EYS: variants seen among roughly 807,000 people sequenced by gnomAD.
The protein encoded by EYS is protein eyes shut homolog.
In EYS, 250 loss-of-function variants were observed where a neutral mutation model predicts 282.1. The ratio of observed to expected loss-of-function variants is 0.89; its 90% confidence interval spans 0.80 to 0.98. The LOEUF is 0.98. Among genes scored for constraint, EYS ranks in the 50% least tolerant of loss-of-function variants. The probability of loss-of-function intolerance (pLI) is 0.00; values close to 1 mark genes in which losing one functional copy is unlikely to be tolerated. For missense variants in EYS, 4,016 were observed against 3,709.0 expected (o/e 1.08, Z -2.15); for synonymous variants, 1,355 against 1,282.9 (o/e 1.06, Z -1.20).
intron 14 of EYS, among the ~76,000 whole-genome samples, chr6:64,970,980 T>G (rs937105977): frequency 6.6e-6 from 1 of 152,186 alleles, no homozygotes; most frequent in African/African-American, 2.4e-5. Flanking sequence ...ATATTTAAAA[T>G]GCAGCTTTTA....
chr6:65,168,982 C>T (rs1159257740), intron 12 of EYS, among the ~76,000 whole-genome samples: 2 of 151,232 alleles, frequency 1.3e-5, no homozygotes, highest in African/African-American at 2.4e-5. Flanking sequence ...TGTTTTAAGA[C>T]ATATCAAAAC....
chr6:63,862,155 A>G (rs1323149165), intron 36 of EYS, among the ~76,000 whole-genome samples: 1 of 152,148 alleles, frequency 6.6e-6, no homozygotes, highest in African/African-American at 2.4e-5. Context: ...GTGACCTGTT[A>G]AAATGCCCTC....
At position 65,640,549 on chromosome 6, in the gene EYS, C is replaced by A. The variant is rs1767242165; in HGVS notation, c.-447-657G>T. Among the ~76,000 whole-genome samples, 3 of 152,082 alleles carry A rather than the reference C, an allele frequency of 2.0e-5. No individual in the cohort carries two copies. In the South Asian group the frequency reaches 6.2e-4, roughly 32 times the overall value. Reference sequence around the variant, plus strand: ...AAAAGTATTTTACTTCATCTTCATTCTTGAAGGGTATTTTCAAGGCATATA... The same window carrying A: ...AAAAGTATTTTACTTCATCTTCATTATTGAAGGGTATTTTCAAGGCATATA... On this transcript the variant is annotated intron_variant, in intron 1 of 42. Transcript: ENST00000503581.
chr6:65,495,007 GT>G lies in EYS; in HGVS notation c.403del (p.Thr135LeufsTer7), dbSNP rs755428941. ...AACACTCAGCCACTTAGAATTAACA[GT>G]GTGCATTCCTTTTAGTCTGCAGCCA... is the stretch of plus-strand genomic sequence containing the variant. Reference protein sequence around the residue: ...LFGCRLKGMHTVNSKWLSVGT... With the variant: ...LFGCRLKGMHXVNSKWLSVGT... On this transcript the variant is annotated frameshift_variant, in exon 4 of 43. Coordinates refer to ENST00000503581, the MANE Select transcript of EYS (RefSeq NM_001142800.2). LOFTEE classifies it high-confidence loss of function. 32 of 1,614,058 alleles carry G rather than the reference GT, an allele frequency of 2.0e-5. No individual in the cohort carries two copies. In the Admixed American group the frequency reaches 3.0e-4, roughly 15 times the overall value.
intron 22 of EYS, among the ~76,000 whole-genome samples, chr6:64,786,547 G>A (rs902201121): frequency 3.3e-5 from 5 of 152,080 alleles, no homozygotes; most frequent in Admixed American, 2.6e-4. Context: ...AACATGTGGG[G>A]CAGGGGCACT....
intron 14 of EYS, among the ~76,000 whole-genome samples, chr6:64,964,842 G>T (rs767076372): frequency 6.6e-6 from 1 of 151,924 alleles, no homozygotes; most frequent in African/African-American, 2.4e-5. Flanking sequence ...GACCAGCCCG[G>T]TCAACATGGT....
At chr6:65,479,810 A>C (rs982323052) in intron 5 of EYS, among the ~76,000 whole-genome samples, 5 of 152,080 alleles carry the variant, frequency 3.3e-5, no homozygotes, top group African/African-American at 1.2e-4. Context: ...TAAAATGATA[A>C]GTTTATTTTA....
rs190705082 is a variant in EYS at position 65,637,256 on chromosome 6, T to A, written c.-333+2522A>T. On this transcript the variant is annotated intron_variant, in intron 2 of 42. Coordinates refer to ENST00000503581, the MANE Select transcript of EYS (RefSeq NM_001142800.2). The stretch of plus-strand genomic sequence containing the variant: ...TTCTGGTGAATAATTTAATATGCAT[T>A]TTCTCATTTAATCCTCACATTAATG... Among the ~76,000 whole-genome samples, 456 of 152,320 alleles carry A rather than the reference T, an allele frequency of 3.0e-3. 3 individuals carry two copies. Among genetic ancestry groups the A allele is most frequent in the African/African-American group, 0.01 (436 of 41,578 alleles).
At chr6:65,540,958 A>AT (rs1562248766) in intron 2 of EYS, among the ~76,000 whole-genome samples, 1 of 152,142 alleles carries the variant, frequency 6.6e-6, no homozygotes, top group East Asian at 1.9e-4. Flanking sequence ...AAAAATCACT[A>AT]CCATAAAACT....
Position 63,720,800 on chromosome 6 carries a change from C to T in EYS, c.9231G>A (p.Val3077=), listed in dbSNP as rs1383639603. The stretch of plus-strand genomic sequence containing the variant: ...AACAAATGCCATCATAGTTTAGAGC[C>T]ACAAAGTTTTTATGTGGATCAATAT... The part of the protein sequence containing the change: ...SEDIDPHKNF[V]ALNYDGICYL... Residue 3077 remains valine, a synonymous_variant, in exon 43 of 43, where the codon GTG becomes GTA. Coordinates refer to ENST00000503581, the MANE Select transcript of EYS (RefSeq NM_001142800.2). The T allele has an allele frequency of 2.6e-6, 4 of 1,550,832 alleles. No homozygotes were observed. Among genetic ancestry groups the T allele is most frequent in the Non-Finnish European group, 3.5e-6 (4 of 1,146,570 alleles).
intron 35 of EYS, among the ~76,000 whole-genome samples, chr6:63,873,271 T>C (rs530290381): frequency 9.9e-5 from 15 of 152,100 alleles, no homozygotes; most frequent in African/African-American, 3.6e-4. Context: ...TCTGTTCTTG[T>C]GATAGTTTGC....
chr6:64,173,945 G>A (rs939283376), intron 31 of EYS, among the ~76,000 whole-genome samples: 3 of 152,074 alleles, frequency 2.0e-5, no homozygotes, highest in Admixed American at 2.0e-4. Flanking sequence ...ATGAATGGAT[G>A]AAGAAAATGT....
At chr6:65,141,329 C>T (rs1764334507) in intron 12 of EYS, among the ~76,000 whole-genome samples, 1 of 151,862 alleles carries the variant, frequency 6.6e-6, no homozygotes, top group African/African-American at 2.4e-5. Context: ...ACATCACATT[C>T]TGGGGACTGT....
chr6:64,817,585 T>C lies in EYS; in HGVS notation c.3244-4008A>G, dbSNP rs1036165603. 9.9e-5 allele frequency among the ~76,000 whole-genome samples: 15 copies of C among 152,082 alleles called. 1 individual carries two copies. The highest frequency in any genetic ancestry group is 5.2e-4 in the Admixed American group (8 of 15,262). ...TGAGCATAGCATAAAATAGGTCATT[T>C]TTTCGAACCATTCTCCTCTCCCTCC... is the stretch of plus-strand genomic sequence containing the variant. On this transcript the variant is annotated intron_variant, in intron 21 of 42. Transcript: ENST00000503581.
intron 1 of EYS, among the ~76,000 whole-genome samples, chr6:65,648,761 C>A (rs1205751644): frequency 6.6e-6 from 1 of 151,654 alleles, no homozygotes; most frequent in African/African-American, 2.4e-5. Context: ...AAAAAGAAAA[C>A]AACCTTCATT....
chr6:65,069,999 C>G (rs1453598090), intron 12 of EYS, among the ~76,000 whole-genome samples: 1 of 151,868 alleles, frequency 6.6e-6, no homozygotes, highest in Non-Finnish European at 1.5e-5. Context: ...CTCACTTTCA[C>G]TAATTAAACT....
chr6:65,504,445 AG>A (rs1207592699), intron 2 of EYS, among the ~76,000 whole-genome samples: 1 of 151,732 alleles, frequency 6.6e-6, no homozygotes, highest in African/African-American at 2.4e-5. Flanking sequence ...AGTGTTGAAT[AG>A]CAGTGATGAG....
At chr6:64,805,514 A>G (rs1764396519) in intron 22 of EYS, among the ~76,000 whole-genome samples, 1 of 151,808 alleles carries the variant, frequency 6.6e-6, no homozygotes, top group South Asian at 2.1e-4. Flanking sequence ...TGAAAGGCAA[A>G]CTATAATAAA....
At chr6:65,019,744 G>A (rs552555710) in intron 13 of EYS, among the ~76,000 whole-genome samples, 2 of 152,084 alleles carry the variant, frequency 1.3e-5, no homozygotes, top group Admixed American at 6.6e-5. Context: ...CTTAGTAATT[G>A]TATTAGTCCA....
Sources: gnomAD v4.1 joint callset for allele counts (sites outside exome capture counted in the v4.1 genomes callset) on GRCh38, gnomAD v4.1.1 for gene constraint, MANE v1.5 for transcripts, NCBI Gene and HGNC (gene_info 2026-07-23, HGNC 2026-07-21) for gene names.